Variants in RFX3 observed in about 807,000 individuals in gnomAD.
The protein encoded by RFX3 is regulatory factor X3.
RFX3 carries 14 observed loss-of-function variants against 98.6 expected under a neutral mutation model. That is an observed-to-expected ratio of 0.14 (90% CI 0.09 to 0.22). The LOEUF is 0.22. Among genes scored for constraint, RFX3 ranks in the 10% least tolerant of loss-of-function variants. RFX3 has a pLI of 1.00. For missense variants in RFX3, 639 were observed against 926.9 expected, an observed-to-expected ratio of 0.69 and a Z score of 4.03; for synonymous variants, 383 against 328.4, an observed-to-expected ratio of 1.17 and a Z score of -1.80.
At chr9:3,251,261 T>G (rs1051943188) in intron 14 of RFX3, among the ~76,000 whole-genome samples, 2 of 152,200 alleles carry the variant, frequency 1.3e-5, no homozygotes, top group African/African-American at 4.8e-5. Flanking sequence ...GATCCCAATT[T>G]TATTTAACCC....
chr9:3,364,945 T>C (rs1836873465), intron 2 of RFX3, among the ~76,000 whole-genome samples: 1 of 152,216 alleles, frequency 6.6e-6, no homozygotes, highest in South Asian at 2.1e-4. Flanking sequence ...CTTTTCATTT[T>C]AGGTCCAAAG....
chr9:3,294,533 A>C (rs1337635659), intron 5 of RFX3, among the ~76,000 whole-genome samples: 1 of 152,146 alleles, frequency 6.6e-6, no homozygotes, highest in Admixed American at 6.6e-5. Context: ...CATTTAAATA[A>C]ATAAAAAATT....
intron 1 of RFX3, among the ~76,000 whole-genome samples, chr9:3,417,840 C>T (rs1159435659): frequency 6.6e-6 from 1 of 152,134 alleles, no homozygotes; most frequent in African/African-American, 2.4e-5. Flanking sequence ...ACATAAAAAA[C>T]AGTTCCGGGA....
intron 1 of RFX3, among the ~76,000 whole-genome samples, chr9:3,519,365 T>A (rs907448477): frequency 2.6e-5 from 4 of 152,184 alleles, no homozygotes; most frequent in African/African-American, 9.6e-5. Context: ...ATAATTATTA[T>A]TTAATGAGTA....
intron 1 of RFX3, among the ~76,000 whole-genome samples, chr9:3,502,275 A>AC (rs964290954): frequency 2.6e-5 from 4 of 151,840 alleles, no homozygotes; most frequent in Non-Finnish European, 5.9e-5. Context: ...AAAAAAAAAA[A>AC]TCACTTTCAC....
intron 4 of RFX3, among the ~76,000 whole-genome samples, chr9:3,326,230 G>A (rs544288048): frequency 2.0e-5 from 3 of 152,064 alleles, no homozygotes; most frequent in African/African-American, 4.8e-5. Context: ...GTAAATCAAA[G>A]GAGAAATAGT....
intron 8 of RFX3, among the ~76,000 whole-genome samples, chr9:3,276,488 T>G (rs1284010151): frequency 6.6e-6 from 1 of 152,126 alleles, no homozygotes; most frequent in Non-Finnish European, 1.5e-5. Context: ...GCTTAGTTTT[T>G]AAGATGATAA....
intron 1 of RFX3, chr9:3,488,846 C>A (rs1850494616): frequency 1.0e-6 from 1 of 984,502 alleles, no homozygotes; most frequent in Non-Finnish European, 1.2e-6. Context: ...TCTTAACTAG[C>A]AGATTGAGTG....
At chr9:3,257,654 A>G (rs539964240) in intron 13 of RFX3, among the ~76,000 whole-genome samples, 15 of 152,336 alleles carry the variant, frequency 9.8e-5, no homozygotes, top group African/African-American at 3.4e-4. Flanking sequence ...AGATAAATAG[A>G]TAAAATTGGC....
chr9:3,256,912 A>T lies in RFX3; in HGVS notation c.1814+79T>A, dbSNP rs1280798557. 3.1e-6 allele frequency: 4 copies of T among 1,309,128 alleles called. No homozygotes were observed. The South Asian group carries it at 3.8e-5, about 12-fold the overall frequency. 81.1% of individuals were successfully genotyped at this position (1,309,128 alleles called of 1,614,324 possible). A position where few individuals can be genotyped will look rare whatever the true frequency, so the allele number is the denominator to read the frequency against. On this transcript the variant is annotated intron_variant, in intron 14 of 16. Transcript: ENST00000617270. ...CTTTATTACTTTCTTTTCTTTTGTC[A>T]CAGAAGCATATACAAACACATACAC... is the stretch of plus-strand genomic sequence containing the variant.
intron 1 of RFX3, among the ~76,000 whole-genome samples, chr9:3,427,856 C>T (rs930748157): frequency 1.3e-5 from 2 of 152,186 alleles, no homozygotes; most frequent in African/African-American, 4.8e-5. Flanking sequence ...AATTCTGGAT[C>T]CCCATTTCTG....
chr9:3,384,182 C>G (rs1223826728), intron 2 of RFX3, among the ~76,000 whole-genome samples: 1 of 147,530 alleles, frequency 6.8e-6, no homozygotes, highest in African/African-American at 2.5e-5. Flanking sequence ...CCTTTCCTCT[C>G]CACATACACA....
chr9:3,388,805 T>G (rs758119757), intron 2 of RFX3, among the ~76,000 whole-genome samples: 4 of 152,090 alleles, frequency 2.6e-5, no homozygotes, highest in Non-Finnish European at 4.4e-5. Context: ...AATCTTGCTT[T>G]GAACTCAATA....
intron 2 of RFX3, among the ~76,000 whole-genome samples, chr9:3,347,542 G>A (rs952872459): frequency 1.3e-5 from 2 of 152,042 alleles, no homozygotes; most frequent in African/African-American, 4.8e-5. Flanking sequence ...AATTCCAGAA[G>A]GCCGGGTGCG....
rs868386062 is a variant in RFX3, at chr9:3,505,288, T to G, written c.-9+20459A>C. Among the ~76,000 whole-genome samples the G allele has an allele frequency of 1.2e-3, 82 of 67,464 alleles. 7 individuals carry two copies. The highest frequency in any genetic ancestry group is 5.1e-3 in the African/African-American group (67 of 13,116). The allele number at this position is 67,464 out of a possible 152,430, so 44.3% of individuals were successfully genotyped here. A position where few individuals can be genotyped will look rare whatever the true frequency, so the allele number is the denominator to read the frequency against. ...TATATATATATGAATATATACATTT[T>G]TATATTTATATATATATAAATATAT... On this transcript the variant is annotated intron_variant, in intron 1 of 16. Transcript: ENST00000617270.
intron 2 of RFX3, among the ~76,000 whole-genome samples, chr9:3,360,317 A>T (rs1397158849): frequency 6.6e-6 from 1 of 152,146 alleles, no homozygotes; most frequent in Non-Finnish European, 1.5e-5. Flanking sequence ...AAAAGAGAAG[A>T]ACAAAGGTGG....
chr9:3,359,589 A>G (rs1836173522), intron 2 of RFX3, among the ~76,000 whole-genome samples: 2 of 152,216 alleles, frequency 1.3e-5, no homozygotes, highest in Admixed American at 6.6e-5. Context: ...GTGCACATAT[A>G]GAGCAGCAAC....
At chr9:3,449,859 C>A (rs934486358) in intron 1 of RFX3, among the ~76,000 whole-genome samples, 1 of 150,006 alleles carries the variant, frequency 6.7e-6, no homozygotes, top group South Asian at 2.1e-4. Flanking sequence ...CTGAGCGACA[C>A]CCTGTCTCAA....
chr9:3,276,668 T>TAC (rs1473609162), intron 8 of RFX3, among the ~76,000 whole-genome samples: 1 of 151,852 alleles, frequency 6.6e-6, no homozygotes, highest in African/African-American at 2.4e-5. Flanking sequence ...TAGACACATA[T>TAC]ACACACACAC....
Sources: gnomAD v4.1 joint callset for allele counts (sites outside exome capture counted in the v4.1 genomes callset) on GRCh38, gnomAD v4.1.1 for gene constraint, MANE v1.5 for transcripts, NCBI Gene and HGNC (gene_info 2026-07-23, HGNC 2026-07-21) for gene names.